EPHA5: variants seen among roughly 807,000 people sequenced by gnomAD.
The protein encoded by EPHA5 is ephrin type-A receptor 5.
In EPHA5, 60 loss-of-function variants were observed where a neutral mutation model predicts 105.0. The ratio of observed to expected loss-of-function variants is 0.57; its 90% CI spans 0.46 to 0.71. The LOEUF is 0.71. EPHA5 is among the 30% of genes least tolerant of loss of function. The probability of loss-of-function intolerance (pLI) is 0.00; values close to 1 mark genes in which losing one functional copy is unlikely to be tolerated. For missense variants in EPHA5, 1,218 were observed against 1,274.7 expected (o/e 0.96, Z 0.68); for synonymous variants, 513 against 449.1 (o/e 1.14, Z -1.80).
At chr4:65,347,992 G>A (rs1722380398) in intron 14 of EPHA5, 62 bp downstream of exon 14, 1 of 1,434,318 alleles carries the variant, frequency 7.0e-7, no homozygotes, top group Non-Finnish European at 9.3e-7. Context: ...AAAACATTGT[G>A]TCTTGACTCA....
intron 1 of EPHA5, among the ~76,000 whole-genome samples, chr4:65,661,705 C>G (rs1387076742): frequency 6.6e-6 from 1 of 152,112 alleles, no homozygotes; most frequent in Non-Finnish European, 1.5e-5. Context: ...GAACTTGGCT[C>G]TCTAAGCAAG....
chr4:65,633,481 G>A (rs1268888238), intron 2 of EPHA5, among the ~76,000 whole-genome samples: 2 of 151,842 alleles, frequency 1.3e-5, no homozygotes, highest in African/African-American at 4.8e-5. Flanking sequence ...ATTAATAAAT[G>A]GGAAGATGGA....
chr4:65,360,017 C>A (rs1717122265), intron 11 of EPHA5, among the ~76,000 whole-genome samples: 1 of 151,622 alleles, frequency 6.6e-6, no homozygotes, highest in Non-Finnish European at 1.5e-5. Context: ...TTTCTCGAAC[C>A]TTCCAGGCAA....
chr4:65,324,870 G>C (rs561289542), intron 16 of EPHA5, among the ~76,000 whole-genome samples: 1 of 147,198 alleles, frequency 6.8e-6, no homozygotes, highest in Admixed American at 6.8e-5. Flanking sequence ...TTTCAATCAA[G>C]ATACTTCTGT....
In EPHA5 at chr4:65,574,011, G is replaced by A. The variant is rs376861285; in HGVS notation, c.910+27630C>T. 11 of 1,599,444 alleles carry A rather than the reference G, an allele frequency of 6.9e-6. No homozygotes were observed. The African/African-American group carries it at 1.2e-4, about 18-fold the overall frequency. On this transcript the variant is annotated intron_variant, in intron 3 of 16. Coordinates refer to ENST00000613740, the MANE Select transcript of EPHA5 (RefSeq NM_001281766.3). ...GACTGGACCTCTGGTCCTCAATCGAGTTCCTCTATGAAGAACACACCAGAA... is the reference window on the plus strand; with the variant it reads ...GACTGGACCTCTGGTCCTCAATCGAATTCCTCTATGAAGAACACACCAGAA...
intron 1 of EPHA5, chr4:65,669,344 T>A: frequency 2.1e-6 from 2 of 961,920 alleles, no homozygotes; most frequent in Non-Finnish European, 2.5e-6. Flanking sequence ...CACACGCATG[T>A]TCCTTGCCCA....
intron 2 of EPHA5, among the ~76,000 whole-genome samples, chr4:65,630,667 T>C (rs529859070): frequency 6.6e-6 from 1 of 152,270 alleles, no homozygotes; most frequent in African/African-American, 2.4e-5. Flanking sequence ...CAGACTCTTC[T>C]TCTGCCTTAG....
chr4:65,501,967 T>A (rs976349685), intron 3 of EPHA5, among the ~76,000 whole-genome samples: 3 of 151,698 alleles, frequency 2.0e-5, no homozygotes, highest in African/African-American at 7.2e-5. Context: ...AACCTTTTGA[T>A]CTTTTACAAA....
chr4:65,621,275 C>T (rs1219528355), intron 2 of EPHA5, among the ~76,000 whole-genome samples: 1 of 152,132 alleles, frequency 6.6e-6, no homozygotes, highest in African/African-American at 2.4e-5. Context: ...TATGCACCAG[C>T]TGGAGGATAC....
At chr4:65,530,922 A>G (rs1481493374) in intron 3 of EPHA5, among the ~76,000 whole-genome samples, 3 of 152,192 alleles carry the variant, frequency 2.0e-5, no homozygotes, top group Non-Finnish European at 2.9e-5. Context: ...ATTCAATGAG[A>G]TATAAGTGAA....
At chr4:65,606,572 T>G (rs560863731) in intron 2 of EPHA5, among the ~76,000 whole-genome samples, 1 of 152,220 alleles carries the variant, frequency 6.6e-6, no homozygotes, top group Non-Finnish European at 1.5e-5. Flanking sequence ...ATTTCCATTG[T>G]TGATACAATT....
At chr4:65,417,133 TTTAA>T (rs1467851527) in intron 6 of EPHA5, among the ~76,000 whole-genome samples, 1 of 152,224 alleles carries the variant, frequency 6.6e-6, no homozygotes, top group East Asian at 1.9e-4. Flanking sequence ...TGCCTCTGCC[TTTAA>T]TTAAGAGATG....
chr4:65,483,993 T>C (rs979672781), intron 5 of EPHA5, among the ~76,000 whole-genome samples: 1 of 152,206 alleles, frequency 6.6e-6, no homozygotes, highest in Non-Finnish European at 1.5e-5. Flanking sequence ...CTATTCAGTC[T>C]ACATGGAAGA....
At position 65,554,089 on chromosome 4, in the gene EPHA5, T is replaced by C. The variant is rs372576418; in HGVS notation, c.910+47552A>G. Among the ~76,000 whole-genome samples the C allele has an allele frequency of 1.1e-4, 17 of 151,622 alleles. No individual in the cohort carries two copies. The East Asian group carries it at 2.9e-3, about 26-fold the overall frequency. On this transcript the variant is annotated intron_variant, in intron 3 of 16. Coordinates refer to ENST00000613740, the MANE Select transcript of EPHA5 (RefSeq NM_001281766.3). ...ACAAATTTCAGTGTTCATTTCAAAA[T>C]GTACTATTATTTTCCCCTTGTGTTT...
At chr4:65,606,010 C>T (rs1181817811) in intron 2 of EPHA5, among the ~76,000 whole-genome samples, 1 of 152,172 alleles carries the variant, frequency 6.6e-6, no homozygotes, top group Non-Finnish European at 1.5e-5. Context: ...CAAGACCAAG[C>T]TGACTACCTG....
chr4:65,430,012 T>C (rs957683343), intron 5 of EPHA5, among the ~76,000 whole-genome samples: 4 of 152,026 alleles, frequency 2.6e-5, no homozygotes, highest in Non-Finnish European at 5.9e-5. Flanking sequence ...GTCAACCTTT[T>C]AAAGTCCAGA....
chr4:65,511,258 G>A (rs1733600789), intron 3 of EPHA5, among the ~76,000 whole-genome samples: 1 of 152,088 alleles, frequency 6.6e-6, no homozygotes, highest in Admixed American at 6.6e-5. Flanking sequence ...TGTCTGTTTG[G>A]TATGGTATCA....
intron 3 of EPHA5, among the ~76,000 whole-genome samples, chr4:65,516,862 A>G (rs567157060): frequency 1.3e-5 from 2 of 152,236 alleles, no homozygotes; most frequent in African/African-American, 4.8e-5. Context: ...ACACAGTATG[A>G]CAACAATTGT....
chr4:65,428,538 C>A (rs988960535), intron 5 of EPHA5, among the ~76,000 whole-genome samples: 1 of 152,090 alleles, frequency 6.6e-6, no homozygotes, highest in Non-Finnish European at 1.5e-5. Context: ...GCAACTGGAT[C>A]TTTTGATATA....
Sources: allele counts gnomAD v4.1 joint callset (sites outside exome capture counted in the v4.1 genomes callset), GRCh38; gene constraint gnomAD v4.1.1; transcripts MANE v1.5; gene names NCBI Gene and HGNC (gene_info 2026-07-23, HGNC 2026-07-21).